The following TUBGCP2 variants were observed in gnomAD, a reference collection of about 807,000 sequenced individuals.
TUBGCP2 encodes gamma-tubulin complex component 2.
Under a neutral mutation model 92.2 loss-of-function variants are expected in TUBGCP2, and 55 were observed. That is an observed-to-expected ratio of 0.60 (90% CI 0.48 to 0.75). The LOEUF (loss-of-function observed/expected upper bound fraction) is 0.75, where lower values mean the gene tolerates loss of function less well. Among genes scored for constraint, TUBGCP2 ranks in the 30% least tolerant of loss-of-function variants. The probability of loss-of-function intolerance (pLI) is 0.00; values close to 1 mark genes in which losing one functional copy is unlikely to be tolerated. For missense variants in TUBGCP2, 1,093 were observed against 1,188.9 expected (o/e 0.92, Z 1.19); for synonymous variants, 533 against 505.2 (o/e 1.06, Z -0.74).
At chr10:133,306,754 T>G (rs1034420178) in intron 1 of TUBGCP2, among the ~76,000 whole-genome samples, 4 of 151,910 alleles carry the variant, frequency 2.6e-5, no homozygotes, top group Non-Finnish European at 2.9e-5. Context: ...CACCACTGCA[T>G]TCCAGCCTGG....
Position 133,302,827 on chromosome 10 carries a change from A to G in TUBGCP2, c.115T>C (p.Tyr39His). Residue 39 changes from tyrosine (Y) to histidine (H), a missense_variant, in exon 2 of 18, where the codon TAC becomes CAC. By Grantham distance (83) the Tyr-to-His change is moderately conservative. Coordinates refer to ENST00000252936, the MANE Select transcript of TUBGCP2 (RefSeq NM_006659.4). The stretch of plus-strand genomic sequence containing the variant: ...TGAGCAGAGACAGTGGTAGTGACGT[A>G]CGGGGTCCTGTTCTTTTGAAGCAGG... The part of the protein sequence containing the change: ...IDLLQKNRTP[Y>H]VTTTVSAHSA... 6.2e-7 allele frequency: 1 copy of G among 1,613,302 alleles called. No individual in the cohort carries two copies. Among genetic ancestry groups the G allele is most frequent in the South Asian group, 1.1e-5 (1 of 91,040 alleles).
upstream of TUBGCP2, chr10:133,312,299 C>CA: frequency 2.5e-6 from 3 of 1,221,688 alleles, no homozygotes; most frequent in Non-Finnish European, 3.1e-6. Context: ...TTTCTAGCGT[C>CA]ACCTGTGCCG....
intron 4 of TUBGCP2, 151 bp downstream of exon 4, chr10:133,299,276 G>A: frequency 3.3e-6 from 2 of 603,824 alleles, no homozygotes; most frequent in Admixed American, 7.1e-5. Context: ...TTAAGCCTTG[G>A]CCTCTCTAAG....
At position 133,282,236 on chromosome 10, in the gene TUBGCP2, T is replaced by G; in HGVS notation, c.2396A>C (p.Glu799Ala). Residue 799 changes from glutamate (E) to alanine (A), a missense_variant, in exon 16 of 18, where the codon GAG becomes GCG. Physicochemically the swap from Glu to Ala is moderately radical, Grantham distance 107. This residue lies in a region of TUBGCP2 where 598 missense variants were observed against 675.5 expected (regional missense o/e 0.89). Coordinates refer to ENST00000252936, the MANE Select transcript of TUBGCP2 (RefSeq NM_006659.4). The stretch of plus-strand genomic sequence containing the variant: ...GAGGCCACGCACCTTCCTGGCGAGC[T>G]CCTTCCGGGCCCGCTCCTCGGCCCC... Reference protein sequence around the residue: ...PAGAEERARKELARKHLAEHA... With the variant: ...PAGAEERARKALARKHLAEHA... The G allele has an allele frequency of 6.2e-7, 1 of 1,611,830 alleles. No homozygotes were observed. The highest frequency in any genetic ancestry group is 8.5e-7 in the Non-Finnish European group (1 of 1,179,650).
rs1564938767 is a variant in TUBGCP2, at chr10:133,291,249, CCCATGTCCCT to C, written c.1214+1240_1214+1249del. On this transcript the variant is annotated intron_variant, in intron 8 of 17. Coordinates refer to ENST00000252936, the MANE Select transcript of TUBGCP2 (RefSeq NM_006659.4). ...AGGGCAGCACGCGCCCTCCGTGTCC[CCCATGTCCCT>C]CCGTGTCCCCCATGTCCCTCCGTGT... Among the ~76,000 whole-genome samples, 23 of 67,934 alleles carry C rather than the reference CCCATGTCCCT, an allele frequency of 3.4e-4. 1 individual carries two copies. The highest frequency in any genetic ancestry group is 2.8e-3 in the African/African-American group (13 of 4,592). The allele number at this position is 67,934 out of a possible 152,430, so 44.6% of individuals were successfully genotyped here.
intron 2 of TUBGCP2, chr10:133,300,432 C>T (rs1483151228): frequency 4.2e-6 from 1 of 238,698 alleles, no homozygotes; most frequent in South Asian, 5.4e-5. Flanking sequence ...CAAAAATTAG[C>T]GAGGCGTGGT....
At chr10:133,311,345 G>A (rs529586902), upstream of TUBGCP2, among the ~76,000 whole-genome samples, 28 of 152,306 alleles carry the variant, frequency 1.8e-4, no homozygotes, top group Non-Finnish European at 3.2e-4. Flanking sequence ...ACCGTGCAAT[G>A]CTGGATTAAG....
intron 17 of TUBGCP2, 77 bp from the exon 18 acceptor site, chr10:133,279,978 C>T (rs1267106144): frequency 1.4e-5 from 22 of 1,551,434 alleles, no homozygotes; most frequent in East Asian, 2.4e-5. Context: ...TGTGGAAGGA[C>T]GGTGCAGCTA....
intron 11 of TUBGCP2, among the ~76,000 whole-genome samples, chr10:133,286,875 G>T (rs892433884): frequency 3.3e-5 from 5 of 152,168 alleles, no homozygotes; most frequent in Admixed American, 6.5e-5. Flanking sequence ...GGCTGCACTC[G>T]GAGGGATGTT....
At position 133,288,271 on chromosome 10, in the gene TUBGCP2, A is replaced by T. The variant is rs768823013; in HGVS notation, c.1580T>A (p.Phe527Tyr). ...CGCGAGGTCCATGAAGTGCACGAAG[A>T]AGTCGCCCTGGTCCATGAGGAAGTA... ...KRYFLMDQGD[F>Y]FVHFMDLAEE... The change falls in exon 11 of 18, where the codon TTC becomes TAC. Residue 527 changes from phenylalanine to tyrosine, a missense_variant. Physicochemically the swap from Phe to Tyr is conservative, Grantham distance 22. Coordinates refer to ENST00000252936, the MANE Select transcript of TUBGCP2 (RefSeq NM_006659.4). The T allele has an allele frequency of 3.1e-6, 5 of 1,613,650 alleles. No homozygotes were observed. Among genetic ancestry groups the T allele is most frequent in the East Asian group, 2.2e-5 (1 of 44,878 alleles).
intron 17 of TUBGCP2, among the ~76,000 whole-genome samples, chr10:133,280,632 T>C (rs928452649): frequency 1.3e-5 from 2 of 152,326 alleles, no homozygotes; most frequent in African/African-American, 4.8e-5. Context: ...AGAGCTGGGC[T>C]AGCCTGACTT....
Position 133,299,362 on chromosome 10 carries a change from T to C in TUBGCP2, c.456+65A>G, listed in dbSNP as rs1197986269. On this transcript the variant is annotated intron_variant, in intron 4 of 17. Coordinates refer to ENST00000252936, the MANE Select transcript of TUBGCP2 (RefSeq NM_006659.4). ...CGGCACAGCACTGAGTGTGGGTGCC[T>C]GTGGACGCCACGGACACAGGACCTG... 3 of 1,425,368 alleles carry C rather than the reference T, an allele frequency of 2.1e-6. No individual in the cohort carries two copies. In the East Asian group the frequency reaches 7.2e-5, roughly 34 times the overall value. The allele number at this position is 1,425,368 out of a possible 1,614,324, so 88.3% of individuals were successfully genotyped here. A position where few individuals can be genotyped will look rare whatever the true frequency, so the allele number is the denominator to read the frequency against.
intron 4 of TUBGCP2, among the ~76,000 whole-genome samples, chr10:133,299,153 C>T (rs1293787172): frequency 6.6e-6 from 1 of 152,082 alleles, no homozygotes; most frequent in African/African-American, 2.4e-5. Context: ...CACGTGGCCA[C>T]CTGGCAGCAC....
chr10:133,293,795 T>C (rs371539969), intron 5 of TUBGCP2, 26 bp from the exon 6 acceptor site: 1 of 1,558,222 alleles, frequency 6.4e-7, no homozygotes, highest in African/African-American at 1.4e-5. Flanking sequence ...GCGCTGTGGC[T>C]CTGCAGCCCC....
At chr10:133,284,252 G>A (rs1847070949) in intron 13 of TUBGCP2, among the ~76,000 whole-genome samples, 3 of 152,280 alleles carry the variant, frequency 2.0e-5, no homozygotes, top group Admixed American at 2.0e-4. Context: ...GGACGGTGGA[G>A]ACTGGGACGC....
At chr10:133,298,266 G>A (rs1284820577) in intron 4 of TUBGCP2, among the ~76,000 whole-genome samples, 155 bp from the exon 5 acceptor site, 1 of 152,196 alleles carries the variant, frequency 6.6e-6, no homozygotes, top group African/African-American at 2.4e-5. Context: ...AATGCGCCTC[G>A]ACATCCCTGC....
At chr10:133,307,448 T>C (rs1299075236) in intron 1 of TUBGCP2, among the ~76,000 whole-genome samples, 1 of 152,240 alleles carries the variant, frequency 6.6e-6, no homozygotes, top group Non-Finnish European at 1.5e-5. Flanking sequence ...TACAAATTGG[T>C]TTGAAAAATG....
At position 133,285,372 on chromosome 10, in the gene TUBGCP2, C is replaced by T. The variant is rs370167797; in HGVS notation, c.1895+84G>A. 885 of 1,598,664 alleles carry T rather than the reference C, an allele frequency of 5.5e-4. 4 individuals carry two copies. The African/African-American group carries it at 9.9e-3, about 18-fold the overall frequency. On this transcript the variant is annotated intron_variant, in intron 12 of 17. Transcript: ENST00000252936. This position sits in a 1 kb window ranked among gnomAD's most constrained non-coding sequence, Gnocchi z 6.8. ...GAGCCGCCTTGGGTCCTCTGTGGGACGAGGTGGCCACCGCGTGGCACAGTT... is the reference window on the plus strand; with the variant it reads ...GAGCCGCCTTGGGTCCTCTGTGGGATGAGGTGGCCACCGCGTGGCACAGTT...
At chr10:133,283,861 A>G (rs1589822063) in intron 14 of TUBGCP2, 21 bp downstream of exon 14, 5 of 1,612,458 alleles carry the variant, frequency 3.1e-6, no homozygotes, top group African/African-American at 1.3e-5. Flanking sequence ...AAACGTTATT[A>G]TCTGTGGAGC....
Sources: gnomAD v4.1 joint callset for allele counts (sites outside exome capture counted in the v4.1 genomes callset) on GRCh38, gnomAD v4.1.1 for gene constraint, gnomAD v4.1.1 regional missense constraint, Gnocchi (gnomAD v3.1) non-coding constraint, MANE v1.5 for transcripts, NCBI Gene and HGNC (gene_info 2026-07-23, HGNC 2026-07-21) for gene names.